Variants in GPM6A observed in about 807,000 individuals in gnomAD.
GPM6A encodes neuronal membrane glycoprotein M6-a.
GPM6A carries 7 observed loss-of-function variants against 32.1 expected under a neutral mutation model. That is an observed-to-expected ratio of 0.22 (90% confidence interval 0.12 to 0.41). The LOEUF (loss-of-function observed/expected upper bound fraction) is 0.41, where lower values mean the gene tolerates loss of function less well. Among genes scored for constraint, GPM6A ranks in the 10% least tolerant of loss-of-function variants. The pLI is 1.00. For missense variants in GPM6A, 235 were observed against 347.2 expected, an observed-to-expected ratio of 0.68 and a Z score of 2.57; for synonymous variants, 130 against 123.4, an observed-to-expected ratio of 1.05 and a Z score of -0.35.
At chr4:175,674,322 C>T (rs1218916889) in intron 2 of GPM6A, among the ~76,000 whole-genome samples, 2 of 152,114 alleles carry the variant, frequency 1.3e-5, no homozygotes. Context: ...GGATTACAGG[C>T]ATGTGTCACC....
intron 1 of GPM6A, among the ~76,000 whole-genome samples, chr4:175,893,151 G>C (rs1187213688): frequency 6.6e-6 from 1 of 152,176 alleles, no homozygotes; most frequent in Non-Finnish European, 1.5e-5. Context: ...GTAAACCTAC[G>C]AGCCTGATGC....
chr4:175,837,430 A>T (rs1408814949), intron 1 of GPM6A, among the ~76,000 whole-genome samples: 2 of 152,214 alleles, frequency 1.3e-5, no homozygotes, highest in African/African-American at 4.8e-5. Context: ...GTTGAGAATA[A>T]CCGGGAGCAA....
intron 1 of GPM6A, among the ~76,000 whole-genome samples, chr4:175,846,398 A>G (rs554371231): frequency 6.6e-6 from 1 of 152,258 alleles, no homozygotes; most frequent in African/African-American, 2.4e-5. Flanking sequence ...AGAAACTTCA[A>G]ATATTGATTC....
chr4:175,775,210 C>T (rs1353481687), intron 1 of GPM6A, among the ~76,000 whole-genome samples: 1 of 152,038 alleles, frequency 6.6e-6, no homozygotes, highest in Admixed American at 6.6e-5. Context: ...AGAGCAATAT[C>T]TCCGTATCAA....
chr4:175,880,206 G>C (rs192227372), intron 1 of GPM6A, among the ~76,000 whole-genome samples: 7 of 152,076 alleles, frequency 4.6e-5, no homozygotes, highest in Non-Finnish European at 8.8e-5. Context: ...TAGATGTGTG[G>C]TATTATTTCT....
At chr4:175,908,743 A>G (rs1738209583) in intron 1 of GPM6A, among the ~76,000 whole-genome samples, 1 of 152,110 alleles carries the variant, frequency 6.6e-6, no homozygotes, top group Admixed American at 6.6e-5. Flanking sequence ...ATGTAGAACT[A>G]TCACTGAGGC....
At chr4:175,692,298 G>T (rs916080800) in intron 2 of GPM6A, among the ~76,000 whole-genome samples, 8 of 152,112 alleles carry the variant, frequency 5.3e-5, no homozygotes, top group African/African-American at 1.9e-4. Flanking sequence ...ATGGTGTCCA[G>T]AAAGTTTGTG....
chr4:175,844,936 C>T (rs1736044291), intron 1 of GPM6A, among the ~76,000 whole-genome samples: 1 of 152,032 alleles, frequency 6.6e-6, no homozygotes, highest in Non-Finnish European at 1.5e-5. Flanking sequence ...ATGTTAAGCA[C>T]TTTTTTCAGC....
At chr4:175,705,473 A>G (rs1745126747) in intron 1 of GPM6A, among the ~76,000 whole-genome samples, 1 of 152,206 alleles carries the variant, frequency 6.6e-6, no homozygotes, top group African/African-American at 2.4e-5. Context: ...ACTCTTCCAC[A>G]GAGCCCGAGT....
intron 4 of GPM6A, among the ~76,000 whole-genome samples, chr4:175,647,217 C>T (rs1741512027): frequency 6.6e-6 from 1 of 152,140 alleles, no homozygotes; most frequent in African/African-American, 2.4e-5. Context: ...TGTGTTGGCT[C>T]TTAAGTTTTA....
chr4:175,893,418 A>G (rs1737704917), intron 1 of GPM6A, among the ~76,000 whole-genome samples: 1 of 152,206 alleles, frequency 6.6e-6, no homozygotes, highest in Admixed American at 6.5e-5. Flanking sequence ...TTCCCTTAAG[A>G]ACTCCTTAGA....
At chr4:175,667,975 G>T (rs1357813012) in intron 3 of GPM6A, among the ~76,000 whole-genome samples, 1 of 152,048 alleles carries the variant, frequency 6.6e-6, no homozygotes, top group Non-Finnish European at 1.5e-5. Flanking sequence ...GCATCCACAT[G>T]TTGCAAACTT....
intron 1 of GPM6A, among the ~76,000 whole-genome samples, chr4:175,756,996 C>T (rs1301477377): frequency 6.6e-6 from 1 of 152,020 alleles, no homozygotes; most frequent in Non-Finnish European, 1.5e-5. Flanking sequence ...TGGAGGCTAC[C>T]TCTGGGAATG....
intron 1 of GPM6A, among the ~76,000 whole-genome samples, chr4:175,840,647 T>C (rs930089284): frequency 7.9e-5 from 12 of 152,274 alleles, no homozygotes; most frequent in African/African-American, 2.9e-4. Flanking sequence ...GCACTCCAGC[T>C]GGAGACAACA....
In GPM6A at chr4:175,787,451, G is replaced by A. The variant is rs779191380; in HGVS notation, c.37+24740C>T. 1.5e-5 allele frequency: 22 copies of A among 1,502,816 alleles called. No individual in the cohort carries two copies. The South Asian group carries it at 1.8e-4, about 12-fold the overall frequency. 93.1% of individuals were successfully genotyped at this position (1,502,816 alleles called of 1,614,324 possible). A position where few individuals can be genotyped will look rare whatever the true frequency, so the allele number is the denominator to read the frequency against. ...CTGTGACAATTTAACATTCTGTTTC[G>A]TGTTCTGAGATTTTTTCTAAATTGT... On this transcript the variant is annotated intron_variant, in intron 1 of 6. Transcript: ENST00000393658.
In GPM6A at chr4:175,875,287, C is replaced by T. The variant is rs543142437; in HGVS notation, c.-22-63038G>A. 1.4e-3 allele frequency among the ~76,000 whole-genome samples: 210 copies of T among 152,250 alleles called. 1 individual carries two copies. Among genetic ancestry groups the T allele is most frequent in the African/African-American group, 4.9e-3 (202 of 41,558 alleles). On this transcript the variant is annotated intron_variant, in intron 1 of 7. Transcript: ENST00000280187. The stretch of plus-strand genomic sequence containing the variant: ...CTGTTCCTCTATTCTTTTTGCAATG[C>T]CATGAGCTTTTAATATCAAGCCACT...
chr4:175,837,487 A>G (rs749932973), intron 1 of GPM6A, among the ~76,000 whole-genome samples: 2 of 152,206 alleles, frequency 1.3e-5, no homozygotes, highest in African/African-American at 2.4e-5. Context: ...AGTAACCCAG[A>G]AGGGAGAGAA....
chr4:175,745,527 A>C (rs1732068094), intron 1 of GPM6A, among the ~76,000 whole-genome samples: 1 of 152,216 alleles, frequency 6.6e-6, no homozygotes, highest in East Asian at 1.9e-4. Context: ...CAGATGAATG[A>C]GAGCAAGTCC....
intron 4 of GPM6A, among the ~76,000 whole-genome samples, chr4:175,648,337 T>C (rs1266565382): frequency 6.6e-6 from 1 of 152,132 alleles, no homozygotes; most frequent in Non-Finnish European, 1.5e-5. Flanking sequence ...CTCCGGAACT[T>C]GTACCTGTGT....
Sources: allele counts gnomAD v4.1 joint callset (sites outside exome capture counted in the v4.1 genomes callset), GRCh38; gene constraint gnomAD v4.1.1; transcripts MANE v1.5; gene names NCBI Gene and HGNC (gene_info 2026-07-23, HGNC 2026-07-21).